The following CACNB4 variants were observed in gnomAD, a reference collection of about 807,000 sequenced individuals.
The protein encoded by CACNB4 is voltage-dependent L-type calcium channel subunit beta-4.
CACNB4 carries 32 observed loss-of-function variants against 71.2 expected under a neutral mutation model. That is an observed-to-expected ratio of 0.45 (90% CI 0.34 to 0.60). The LOEUF (loss-of-function observed/expected upper bound fraction) is 0.60, where lower values mean the gene tolerates loss of function less well. CACNB4 is among the 20% of genes least tolerant of loss of function. The probability of loss-of-function intolerance (pLI) is 0.01; values close to 1 mark genes in which losing one functional copy is unlikely to be tolerated. For missense variants in CACNB4, 464 were observed against 647.9 expected, an observed-to-expected ratio of 0.72 and a Z score of 3.08; for synonymous variants, 231 against 236.9, an observed-to-expected ratio of 0.97 and a Z score of 0.23.
intron 2 of CACNB4, among the ~76,000 whole-genome samples, chr2:151,898,588 G>T (rs915872246): frequency 6.6e-6 from 1 of 152,064 alleles, no homozygotes; most frequent in Admixed American, 6.5e-5. Context: ...GGAAAATAAG[G>T]CAGCTATTCC....
intron 2 of CACNB4, among the ~76,000 whole-genome samples, chr2:152,054,536 A>G (rs759553944): frequency 6.6e-6 from 1 of 152,122 alleles, no homozygotes. Flanking sequence ...TGCAAAAAAC[A>G]TTCTTGTATA....
At chr2:152,084,319 GGCTGAAGAGTACAGT>G (rs1262204885) in intron 2 of CACNB4, among the ~76,000 whole-genome samples, 3 of 152,220 alleles carry the variant, frequency 2.0e-5, no homozygotes, top group African/African-American at 7.2e-5. Context: ...TGTCCAGGGA[GGCTGAAGAGTACAGT>G]GCTGAAAAAC....
At chr2:151,869,443 G>T in intron 8 of CACNB4, 1 of 502,190 alleles carries the variant, frequency 2.0e-6, no homozygotes, top group South Asian at 3.1e-5. Context: ...TTCTCCTCCA[G>T]GGTGTTGAGG....
chr2:151,959,931 T>C (rs1401418524), intron 2 of CACNB4, among the ~76,000 whole-genome samples: 1 of 152,214 alleles, frequency 6.6e-6, no homozygotes, highest in Non-Finnish European at 1.5e-5. Context: ...ACAGCTGAAC[T>C]GATGAAAAGC....
Position 152,096,166 on chromosome 2 carries a change from C to T in CACNB4, c.147+2164G>A, listed in dbSNP as rs561752874. Reference sequence around the variant, plus strand: ...TTTGAATGAGATCATGTGTAGTATACTCAGTGAGTTGTAAAGTGCTCATAA... The same window carrying T: ...TTTGAATGAGATCATGTGTAGTATATTCAGTGAGTTGTAAAGTGCTCATAA... On this transcript the variant is annotated intron_variant, in intron 2 of 13. Coordinates refer to ENST00000539935, the MANE Select transcript of CACNB4 (RefSeq NM_000726.5). 8.5e-5 allele frequency among the ~76,000 whole-genome samples: 13 copies of T among 152,178 alleles called. No individual in the cohort carries two copies. The East Asian group carries it at 2.3e-3, about 27-fold the overall frequency.
At chr2:151,896,677 C>T (rs1359001481) in intron 2 of CACNB4, among the ~76,000 whole-genome samples, 1 of 152,142 alleles carries the variant, frequency 6.6e-6, no homozygotes, top group Non-Finnish European at 1.5e-5. Context: ...GACAGCAAGG[C>T]TTGCTTTTTT....
intron 2 of CACNB4, among the ~76,000 whole-genome samples, chr2:152,072,055 T>C (rs796266882): frequency 3.7e-4 from 57 of 152,394 alleles, no homozygotes; most frequent in African/African-American, 1.3e-3. Context: ...GCAACAAAAA[T>C]TCTTGCCTTC....
In CACNB4 at chr2:151,904,559, C is replaced by T. The variant is rs919480112; in HGVS notation, c.148-21189G>A. 1.6e-4 allele frequency among the ~76,000 whole-genome samples: 23 copies of T among 142,788 alleles called. No homozygotes were observed. In the Middle Eastern group the frequency reaches 0.015, roughly 96 times the overall value. The allele number at this position is 142,788 out of a possible 152,430, so 93.7% of individuals were successfully genotyped here. A position where few individuals can be genotyped will look rare whatever the true frequency, so the allele number is the denominator to read the frequency against. On this transcript the variant is annotated intron_variant, in intron 2 of 13. Coordinates refer to ENST00000539935, the MANE Select transcript of CACNB4 (RefSeq NM_000726.5). ...AACTCTTTTTTTTTTTTTTTTGAGA[C>T]GGAGTCTCACTGTTGCCCAGGCTAG... is the stretch of plus-strand genomic sequence containing the variant.
At chr2:151,932,760 G>A (rs1185543614) in intron 2 of CACNB4, among the ~76,000 whole-genome samples, 1 of 151,174 alleles carries the variant, frequency 6.6e-6, no homozygotes, top group African/African-American at 2.4e-5. Flanking sequence ...AACCTGGGAG[G>A]CGGAGGTTGC....
At chr2:151,973,071 C>G (rs936040899) in intron 2 of CACNB4, 1 of 152,212 alleles carries the variant, frequency 6.6e-6, no homozygotes, top group Non-Finnish European at 1.5e-5. Flanking sequence ...TTCTCTAACC[C>G]AAAACACACG....
At chr2:152,086,075 GTTGGTTTA>G (rs1265280936) in intron 2 of CACNB4, among the ~76,000 whole-genome samples, 31 of 152,256 alleles carry the variant, frequency 2.0e-4, no homozygotes, top group Non-Finnish European at 3.1e-4. Flanking sequence ...CTTTGATTGG[GTTGGTTTA>G]CACCCTTGGT....
At chr2:152,093,173 T>C (rs538573354) in intron 2 of CACNB4, among the ~76,000 whole-genome samples, 2 of 152,332 alleles carry the variant, frequency 1.3e-5, no homozygotes, top group African/African-American at 4.8e-5. Context: ...ATGTTTGCTG[T>C]GGATTTTAGT....
Position 151,842,027 on chromosome 2 carries a change from T to G in CACNB4, c.1178A>C (p.Glu393Ala). The G allele has an allele frequency of 6.2e-7, 1 of 1,613,796 alleles. No individual in the cohort carries two copies. Among genetic ancestry groups the G allele is most frequent in the Non-Finnish European group, 8.5e-7 (1 of 1,179,750 alleles). The change falls in exon 13 of 14, where the codon GAG becomes GCG. Residue 393 changes from glutamate to alanine, a missense_variant. By Grantham distance (107) the Glu-to-Ala change is moderately radical (BLOSUM62 -1). This residue lies in a region of CACNB4 where 299 missense variants were observed against 471.7 expected (regional missense o/e 0.63). Coordinates refer to ENST00000539935, the MANE Select transcript of CACNB4 (RefSeq NM_000726.5). ...QLEDACEHLGEYLEAYWRATH... is the reference protein window; with the variant it reads ...QLEDACEHLGAYLEAYWRATH... ...GGCACGCCAGTACGCCTCCAGGTAC[T>G]CCCCTAGATGTTCACATGCATCCTC...
intron 4 of CACNB4, among the ~76,000 whole-genome samples, chr2:151,878,564 C>CACACACACACACACACAT (rs1161608603): frequency 9.3e-5 from 14 of 151,158 alleles, no homozygotes; most frequent in African/African-American, 3.4e-4. Flanking sequence ...CACACACACA[C>CACACACACACACACACAT]ACACACACAC....
chr2:151,971,453 G>A, intron 2 of CACNB4: 1 of 701,530 alleles, frequency 1.4e-6, no homozygotes, highest in Non-Finnish European at 2.6e-6. Flanking sequence ...TTCTCGGACT[G>A]CAGCTAGCCA....
In CACNB4 at chr2:151,834,031, C is replaced by A. The variant is rs2099834364; in HGVS notation, c.*5088G>T. ...TTACATCCCTTATGCATACAGAATT[C>A]ACACTGATTTCAGTTAAAAGTCAAA... On this transcript the variant is annotated 3_prime_UTR_variant, in exon 14 of 14. Coordinates refer to ENST00000539935, the MANE Select transcript of CACNB4 (RefSeq NM_000726.5). 6.6e-6 allele frequency: 1 copy of A among 152,002 alleles called. No homozygotes were observed. The highest frequency in any genetic ancestry group is 1.5e-5 in the Non-Finnish European group (1 of 67,900). The allele number at this position is 152,002 out of a possible 1,614,324, so 9.4% of individuals were successfully genotyped here. A position where few individuals can be genotyped will look rare whatever the true frequency, so the allele number is the denominator to read the frequency against.
At position 152,048,526 on chromosome 2, in the gene CACNB4, T is replaced by C. The variant is rs1373534596; in HGVS notation, c.147+49804A>G. On this transcript the variant is annotated intron_variant, in intron 2 of 13. Transcript: ENST00000539935. Reference sequence around the variant, plus strand: ...GAGAATAAAAAGTACCTGCAACACTTGTCTCCTGACGATGAGAGAAGTTGG... The same window carrying C: ...GAGAATAAAAAGTACCTGCAACACTCGTCTCCTGACGATGAGAGAAGTTGG... The C allele has an allele frequency of 3.3e-5, 5 of 152,276 alleles. No homozygotes were observed. In the East Asian group the frequency reaches 9.6e-4, roughly 29 times the overall value. 9.4% of individuals were successfully genotyped at this position (152,276 alleles called of 1,614,324 possible). A position where few individuals can be genotyped will look rare whatever the true frequency, so the allele number is the denominator to read the frequency against.
intron 2 of CACNB4, among the ~76,000 whole-genome samples, chr2:151,905,022 C>T (rs1257982639): frequency 6.6e-6 from 1 of 152,306 alleles, no homozygotes; most frequent in South Asian, 2.1e-4. Context: ...TTCCCCTCAT[C>T]GCCTGCAATC....
At chr2:151,870,635 G>A (rs770133488) in intron 7 of CACNB4, 24 bp from the exon 8 acceptor site, 99 of 1,587,282 alleles carry the variant, frequency 6.2e-5, no homozygotes, top group South Asian at 1.9e-4. Flanking sequence ...TTCGACACGC[G>A]TGACAAGGTG....
Sources: allele counts gnomAD v4.1 joint callset (sites outside exome capture counted in the v4.1 genomes callset), GRCh38; gene constraint gnomAD v4.1.1; regional missense constraint gnomAD v4.1.1; transcripts MANE v1.5; gene names NCBI Gene and HGNC (gene_info 2026-07-23, HGNC 2026-07-21).